PRMT2: variants seen among roughly 807,000 people sequenced by gnomAD.
The protein encoded by PRMT2 is protein arginine methyltransferase 2, also known as protein arginine N-methyltransferase 2.
In PRMT2, 26 loss-of-function variants were observed where a neutral mutation model predicts 57.6. That is an observed-to-expected ratio of 0.45 (90% CI 0.33 to 0.63). PRMT2 has a LOEUF of 0.63. Ranked by LOEUF, PRMT2 falls within the 20% of genes least tolerant of loss-of-function variation. The probability of loss-of-function intolerance (pLI) is 0.02; values close to 1 mark genes in which losing one functional copy is unlikely to be tolerated. For missense variants in PRMT2, 472 were observed against 564.4 expected (o/e 0.84, Z 1.66); for synonymous variants, 219 against 220.0 (o/e 1.00, Z 0.04).
At chr21:46,654,558 G>A (rs1210257448) in intron 7 of PRMT2, among the ~76,000 whole-genome samples, 1 of 152,136 alleles carries the variant, frequency 6.6e-6, no homozygotes, top group Non-Finnish European at 1.5e-5. Flanking sequence ...TTTGAAGTAC[G>A]GTCAAGTATC....
At chr21:46,641,725 G>A (rs1012551195) in intron 3 of PRMT2, among the ~76,000 whole-genome samples, 1 of 123,660 alleles carries the variant, frequency 8.1e-6, no homozygotes, top group Non-Finnish European at 1.9e-5. Context: ...CAGCCTGTGT[G>A]TGTGTGTGTG....
In PRMT2 at chr21:46,664,531, C is replaced by T. The variant is rs2061675824; in HGVS notation, c.*204C>T. The T allele has an allele frequency of 1.6e-6, 1 of 643,692 alleles. No homozygotes were observed. Among genetic ancestry groups the T allele is most frequent in the Non-Finnish European group, 2.8e-6 (1 of 361,928 alleles). 39.9% of individuals were successfully genotyped at this position (643,692 alleles called of 1,614,324 possible). ...GCTCGGCAGGAGCTGCCGTGGCCAC[C>T]CCCGCTGCCCAGTGTCTGCCCTCTA... On this transcript the variant is annotated 3_prime_UTR_variant, in exon 12 of 12. Coordinates refer to ENST00000355680, the MANE Select transcript of PRMT2 (RefSeq NM_206962.4).
intron 3 of PRMT2, among the ~76,000 whole-genome samples, chr21:46,642,637 A>T (rs1404179188): frequency 6.6e-6 from 1 of 152,200 alleles, no homozygotes; most frequent in Admixed American, 6.5e-5. Context: ...TTTAAAATGT[A>T]TGTATTGAGA....
chr21:46,638,040 G>A (rs1470675898), intron 3 of PRMT2, among the ~76,000 whole-genome samples: 1 of 152,114 alleles, frequency 6.6e-6, no homozygotes, highest in Non-Finnish European at 1.5e-5. Context: ...TCTCTCTCTA[G>A]AGGCAAACAC....
At chr21:46,663,951 T>C (rs937576956) in intron 11 of PRMT2, among the ~76,000 whole-genome samples, 1 of 152,204 alleles carries the variant, frequency 6.6e-6, no homozygotes, top group African/African-American at 2.4e-5. Context: ...GCGTGTCGTC[T>C]GTGATGCGTG....
intron 9 of PRMT2, 23 bp downstream of exon 9, chr21:46,660,985 C>G: frequency 2.5e-6 from 4 of 1,604,592 alleles, no homozygotes; most frequent in Non-Finnish European, 3.4e-6. Context: ...TGAATTGCTC[C>G]TTACATTCGA....
Position 46,636,945 on chromosome 21 carries a change from G to A in PRMT2, c.-7G>A. The A allele has an allele frequency of 1.9e-6, 3 of 1,613,414 alleles. No individual in the cohort carries two copies. The highest frequency in any genetic ancestry group is 2.5e-6 in the Non-Finnish European group (3 of 1,179,760). ...TCAGCAGTTATGAGGCAGAGCCTAA[G>A]AGAACTATGGCAACATCAGGTGACT... On this transcript the variant is annotated 5_prime_UTR_variant, in exon 3 of 12. Transcript: ENST00000355680.
intron 7 of PRMT2, among the ~76,000 whole-genome samples, chr21:46,650,400 A>C (rs2061431944): frequency 6.6e-6 from 1 of 152,166 alleles, no homozygotes; most frequent in Non-Finnish European, 1.5e-5. Flanking sequence ...GTCTGGGTGA[A>C]GGAGTGTGGA....
chr21:46,659,476 A>C, intron 8 of PRMT2: 2 of 984,652 alleles, frequency 2.0e-6, no homozygotes, highest in South Asian at 9.4e-5. Context: ...GAAAGAGATG[A>C]CTAGCCAGAT....
chr21:46,636,142 C>G (rs1332878317), intron 1 of PRMT2: 1 of 152,806 alleles, frequency 6.5e-6, no homozygotes, highest in African/African-American at 2.4e-5. Flanking sequence ...CACGCGTGGC[C>G]CTCTCGCTTC....
At chr21:46,636,782 A>G (rs1186223610) in intron 2 of PRMT2, 114 bp from the exon 3 acceptor site, 2 of 602,404 alleles carry the variant, frequency 3.3e-6, no homozygotes, top group Non-Finnish European at 2.9e-6. Context: ...ATCTTCACAC[A>G]TACACATTTT....
intron 7 of PRMT2, chr21:46,653,594 G>T: frequency 1.8e-6 from 2 of 1,121,358 alleles, no homozygotes; most frequent in South Asian, 2.0e-5. Flanking sequence ...CCTAAGGGAG[G>T]ACTTCTGGCC....
rs2061410577 is a variant in PRMT2, at chr21:46,649,131, C to T, written c.490-444C>T. ...AGCACAGTGTCCACCCAAGTCCAGG[C>T]TCTGCAGGACCCAGGACCCAGCGCT... On this transcript the variant is annotated intron_variant, in intron 6 of 11. Transcript: ENST00000355680. The surrounding 1 kb of genome is among the most constrained non-coding windows in gnomAD (Gnocchi z 4.8). Among the ~76,000 whole-genome samples, 1 of 152,184 alleles carries T rather than the reference C, an allele frequency of 6.6e-6. No individual in the cohort carries two copies. Among genetic ancestry groups the T allele is most frequent in the Admixed American group, 6.5e-5 (1 of 15,288 alleles).
In PRMT2 at chr21:46,664,770, T is replaced by C. The variant is rs913913161; in HGVS notation, c.*443T>C. 9.1e-6 allele frequency: 2 copies of C among 220,188 alleles called. No homozygotes were observed. Among genetic ancestry groups the C allele is most frequent in the Admixed American group, 1.0e-4 (2 of 19,834 alleles). The allele number at this position is 220,188 out of a possible 1,614,324, so 13.6% of individuals were successfully genotyped here. On this transcript the variant is annotated 3_prime_UTR_variant, in exon 12 of 12. Transcript: ENST00000355680. ...CATCCACTCGTGTGGGACGTAGGAT[T>C]GCACAGGGCTGTGCCAGTGGCGTGT... is the stretch of plus-strand genomic sequence containing the variant.
At chr21:46,645,540 C>T (rs2061351456) in intron 5 of PRMT2, among the ~76,000 whole-genome samples, 1 of 152,094 alleles carries the variant, frequency 6.6e-6, no homozygotes, top group East Asian at 1.9e-4. Flanking sequence ...ATGCCTATAA[C>T]CCGATGGTCC....
chr21:46,660,914 C>T lies in PRMT2; in HGVS notation c.912C>T (p.Cys304=). The part of the protein sequence containing the change: ...LKPEDCLSEP[C]TILQLDMRTV... Reference sequence around the variant, plus strand: ...CAGAAGACTGTCTCTCTGAACCGTGCACTATATTGCAGTTGGACATGAGAA... The same window carrying T: ...CAGAAGACTGTCTCTCTGAACCGTGTACTATATTGCAGTTGGACATGAGAA... Residue 304 remains cysteine, a synonymous_variant, in exon 9 of 12, where the codon TGC becomes TGT. Coordinates refer to ENST00000355680, the MANE Select transcript of PRMT2 (RefSeq NM_206962.4). 2 of 1,613,402 alleles carry T rather than the reference C, an allele frequency of 1.2e-6. No individual in the cohort carries two copies. Among genetic ancestry groups the T allele is most frequent in the Non-Finnish European group, 1.7e-6 (2 of 1,179,400 alleles).
Position 46,648,701 on chromosome 21 carries a change from T to A in PRMT2, c.489+82T>A. 1.9e-6 allele frequency: 3 copies of A among 1,540,028 alleles called. No homozygotes were observed. Among genetic ancestry groups the A allele is most frequent in the Non-Finnish European group, 2.7e-6 (3 of 1,129,730 alleles). ...GGTGGCCTCTGAGTGTGCTGACTTG[T>A]GACCCTGAGCTGTTGGGGGCTCACC... On this transcript the variant is annotated intron_variant, in intron 6 of 11. Transcript: ENST00000355680. This position sits in a 1 kb window ranked among gnomAD's most constrained non-coding sequence, Gnocchi z 4.8.
intron 7 of PRMT2, chr21:46,652,186 C>T: frequency 7.2e-7 from 1 of 1,393,462 alleles, no homozygotes; most frequent in Non-Finnish European, 9.3e-7. Flanking sequence ...CTCAGATGGG[C>T]TCAAGAGTTA....
At chr21:46,659,476 A>T in intron 8 of PRMT2, 1 of 984,652 alleles carries the variant, frequency 1.0e-6, no homozygotes, top group African/African-American at 1.7e-5. Flanking sequence ...GAAAGAGATG[A>T]CTAGCCAGAT....
Sources: allele counts gnomAD v4.1 joint callset (sites outside exome capture counted in the v4.1 genomes callset), GRCh38; gene constraint gnomAD v4.1.1; non-coding constraint Gnocchi (gnomAD v3.1); transcripts MANE v1.5; gene names NCBI Gene and HGNC (gene_info 2026-07-23, HGNC 2026-07-21).